C19orf25: variants seen among roughly 807,000 people sequenced by gnomAD.
The protein encoded by C19orf25 is UPF0449 protein C19orf25.
C19orf25 carries 1 observed loss-of-function variant against 3.1 expected under a neutral mutation model. The ratio of observed to expected loss-of-function variants is 0.32; its 90% CI spans 0.12 to 1.54. The LOEUF (loss-of-function observed/expected upper bound fraction) is 1.54. Ranked by LOEUF, C19orf25 falls within the 40% of genes most tolerant of loss-of-function variation. The probability of loss-of-function intolerance (pLI) is 0.38; values close to 1 mark genes in which losing one functional copy is unlikely to be tolerated. For missense variants in C19orf25, 196 were observed against 160.4 expected (o/e 1.22, Z -1.20); for synonymous variants, 91 against 74.3 (o/e 1.23, Z -1.16).
rs558343642 is a variant in C19orf25, at chr19:1,474,588, G to A, written c.*444C>T. 6.2e-5 allele frequency: 27 copies of A among 434,616 alleles called. No individual in the cohort carries two copies. Among genetic ancestry groups the A allele is most frequent in the Middle Eastern group, 6.1e-4 (1 of 1,640 alleles). The allele number at this position is 434,616 out of a possible 1,614,324, so 26.9% of individuals were successfully genotyped here. ...GGGTCAGGGGCTCAGGCTGGCCCTC[G>A]GGCTGCTCTGACATTGGGTGGGCAC... On this transcript the variant is annotated 3_prime_UTR_variant, in exon 3 of 3. Coordinates refer to ENST00000585675, the MANE Select transcript of C19orf25 (RefSeq NM_152482.3).
At chr19:1,476,275 C>G in intron 2 of C19orf25, 1 of 398,614 alleles carries the variant, frequency 2.5e-6, no homozygotes, top group Non-Finnish European at 4.4e-6. Context: ...CTGGGCTGAT[C>G]AAATCACCTC....
At position 1,478,815 on chromosome 19, in the gene C19orf25, G is replaced by A; in HGVS notation, c.89C>T (p.Ala30Val). The part of the protein sequence containing the change: ...VEQILEDVRG[A>V]PAEDPVFTIL... ...GGTGAACACTGGATCCTCTGCCGGC[G>A]CACCCCGCACATCCTCCAGGATCTG... The change falls in exon 2 of 3, where the codon GCG (alanine) becomes GTG (valine). Residue 30 changes from alanine (A) to valine (V), a missense_variant. By Grantham distance (64) the Ala-to-Val change is moderately conservative. Transcript: ENST00000585675. The A allele has an allele frequency of 1.3e-6, 2 of 1,587,144 alleles. No homozygotes were observed. The highest frequency in any genetic ancestry group is 8.6e-7 in the Non-Finnish European group (1 of 1,167,770).
chr19:1,476,454 C>T, intron 2 of C19orf25: 1 of 395,594 alleles, frequency 2.5e-6, no homozygotes, highest in Non-Finnish European at 4.4e-6. Flanking sequence ...AAACCACGGC[C>T]CCAGCACCCT....
At position 1,474,510 on chromosome 19, in the gene C19orf25, G is replaced by A. The variant is rs987030001; in HGVS notation, c.*522C>T. 14 of 284,150 alleles carry A rather than the reference G, an allele frequency of 4.9e-5. No individual in the cohort carries two copies. Among genetic ancestry groups the A allele is most frequent in the African/African-American group, 1.9e-4 (9 of 46,366 alleles). 17.6% of individuals were successfully genotyped at this position (284,150 alleles called of 1,614,324 possible). On this transcript the variant is annotated 3_prime_UTR_variant, in exon 3 of 3. Transcript: ENST00000585675. ...TGGGTGACCCCAGCGGCCCAGGGTC[G>A]TTGTGAAGATCAACGTGGCTTGTGG...
intron 2 of C19orf25, chr19:1,476,257 G>T (rs539148041): frequency 2.5e-6 from 1 of 398,652 alleles, no homozygotes; most frequent in Non-Finnish European, 4.4e-6. Flanking sequence ...TCCACGTGCC[G>T]CACGGGTCTG....
At chr19:1,476,153 A>G in intron 2 of C19orf25, 1 of 398,688 alleles carries the variant, frequency 2.5e-6, no homozygotes, top group Non-Finnish European at 4.4e-6. Flanking sequence ...AGCAGGGCTG[A>G]AGCAGCACCG....
Position 1,475,474 on chromosome 19 carries a change from A to T in C19orf25, c.131-216T>A, listed in dbSNP as rs543188673. On this transcript the variant is annotated intron_variant, in intron 2 of 2. Transcript: ENST00000585675. ...GGCGGGAGGAACACTTGAGCCCAAG[A>T]GTTAGAGACCAGCCTGGACAACATA... 13 of 568,386 alleles carry T rather than the reference A, an allele frequency of 2.3e-5. No individual in the cohort carries two copies. The East Asian group carries it at 3.1e-4, about 14-fold the overall frequency. 35.2% of individuals were successfully genotyped at this position (568,386 alleles called of 1,614,324 possible).
intron 2 of C19orf25, 85 bp from the exon 3 acceptor site, chr19:1,475,343 T>C: frequency 7.5e-7 from 1 of 1,338,956 alleles, no homozygotes; most frequent in East Asian, 2.5e-5. Context: ...AAGGGCAGGG[T>C]TCCCTGCAGT....
intron 2 of C19orf25, chr19:1,475,639 T>C (rs914684426): frequency 2.3e-5 from 5 of 215,094 alleles, no homozygotes; most frequent in Admixed American, 1.6e-4. Context: ...CAATAAGCTA[T>C]GATCGTGCCA....
In C19orf25 at chr19:1,473,410, C is replaced by G. The variant is rs530170649; in HGVS notation, c.*1622G>C. 6.6e-6 allele frequency: 1 copy of G among 152,280 alleles called. No individual in the cohort carries two copies. Among genetic ancestry groups the G allele is most frequent in the Non-Finnish European group, 1.5e-5 (1 of 68,078 alleles). 9.4% of individuals were successfully genotyped at this position (152,280 alleles called of 1,614,324 possible). ...TTGTGGGCACCCCACCCAGATGGGC[C>G]GGGGAGGCACTGGCTGAGGCCAGGA... On this transcript the variant is annotated 3_prime_UTR_variant, in exon 3 of 3. Coordinates refer to ENST00000585675, the MANE Select transcript of C19orf25 (RefSeq NM_152482.3).
chr19:1,475,479 G>C (rs991656966), intron 2 of C19orf25: 3 of 562,666 alleles, frequency 5.3e-6, no homozygotes, highest in African/African-American at 3.7e-5. Context: ...CCAAGAGTTA[G>C]AGACCAGCCT....
intron 2 of C19orf25, among the ~76,000 whole-genome samples, chr19:1,477,001 CTT>C (rs57364052): frequency 4.6e-4 from 66 of 143,392 alleles, no homozygotes; most frequent in African/African-American, 5.2e-4. Flanking sequence ...TTTCTTTTTT[CTT>C]TTTTTTTTTT....
intron 2 of C19orf25, 127 bp from the exon 3 acceptor site, chr19:1,475,385 TA>T (rs1268639028): frequency 2.1e-6 from 2 of 960,766 alleles, no homozygotes; most frequent in African/African-American, 3.3e-5. Flanking sequence ...GGGGTCTTCT[TA>T]ACATGACGGA....
chr19:1,477,031 GCT>G (rs1176369304), intron 2 of C19orf25, among the ~76,000 whole-genome samples: 1 of 146,076 alleles, frequency 6.8e-6, no homozygotes, highest in East Asian at 2.0e-4. Context: ...ATAGAGTCTT[GCT>G]CTGTCACCCA....
rs1347321694 is a variant in C19orf25 at position 1,473,467 on chromosome 19, CCAGGGGGTGCACAGCACCCCAGA to C, written c.*1542_*1564del. 6.6e-6 allele frequency: 1 copy of C among 152,262 alleles called. No homozygotes were observed. Among genetic ancestry groups the C allele is most frequent in the East Asian group, 1.9e-4 (1 of 5,192 alleles). The allele number at this position is 152,262 out of a possible 1,614,324, so 9.4% of individuals were successfully genotyped here. ...CCCTGGTCCCAAGGGAGGGCAGGCT[CCAGGGGGTGCACAGCACCCCAGA>C]CAGGGGGTCCAACCTGGGCATTGGT... On this transcript the variant is annotated 3_prime_UTR_variant, in exon 3 of 3. Coordinates refer to ENST00000585675, the MANE Select transcript of C19orf25 (RefSeq NM_152482.3).
intron 2 of C19orf25, among the ~76,000 whole-genome samples, chr19:1,477,001 CT>C (rs57364052): frequency 0.72 from 103,294 of 143,482 alleles, 37,726 homozygotes; most frequent in African/African-American, 0.9. Flanking sequence ...TTTCTTTTTT[CT>C]TTTTTTTTTT....
chr19:1,476,318 AGGCCG>A, intron 2 of C19orf25: 1 of 398,732 alleles, frequency 2.5e-6, no homozygotes, highest in African/African-American at 2.1e-5. Context: ...AGGGTGGGAA[AGGCCG>A]GGCAGTGCCT....
In C19orf25 at chr19:1,475,071, C is replaced by G; in HGVS notation, c.318G>C (p.Gln106His). 1 of 1,604,496 alleles carries G rather than the reference C, an allele frequency of 6.2e-7. No individual in the cohort carries two copies. The highest frequency in any genetic ancestry group is 8.5e-7 in the Non-Finnish European group (1 of 1,176,832). The change falls in exon 3 of 3, where the codon CAG (glutamine) becomes CAC (histidine). Residue 106 changes from glutamine to histidine, a missense_variant. Transcript: ENST00000585675. ...CAGCCTCGGCTGCCGGTAATGCTGC[C>G]TGCTTCATCTGGGCCACCTCCCGCT... ...DLEREVAQMK[Q>H]AALPAAEAAS...
chr19:1,479,131 C>A, intron 1 of C19orf25, 32 bp downstream of exon 1: 1 of 1,307,578 alleles, frequency 7.6e-7, no homozygotes, highest in Non-Finnish European at 9.7e-7. Flanking sequence ...TCAGTTTCCC[C>A]GCGGTCACCC....
Sources: allele counts gnomAD v4.1 joint callset (sites outside exome capture counted in the v4.1 genomes callset), GRCh38; gene constraint gnomAD v4.1.1; transcripts MANE v1.5; gene names NCBI Gene and HGNC (gene_info 2026-07-23, HGNC 2026-07-21).